The following PHLPP2 variants were observed in gnomAD, a reference collection of about 807,000 sequenced individuals.
PHLPP2 encodes the protein PH domain leucine-rich repeat-containing protein phosphatase 2.
PHLPP2 carries 66 observed loss-of-function variants against 124.9 expected under a neutral mutation model. The observed-to-expected ratio is 0.53, with a 90% CI of 0.43 to 0.65. PHLPP2 has a LOEUF of 0.65. PHLPP2 is among the 30% of genes least tolerant of loss of function. PHLPP2 has a pLI of 0.00. For missense variants in PHLPP2, 1,685 were observed against 1,600.4 expected, an observed-to-expected ratio of 1.05 and a Z score of -0.90; for synonymous variants, 681 against 624.7, an observed-to-expected ratio of 1.09 and a Z score of -1.34.
intron 3 of PHLPP2, 69 bp from the exon 4 acceptor site, chr16:71,690,778 A>G (rs2045103855): frequency 2.7e-6 from 3 of 1,093,148 alleles, no homozygotes; most frequent in African/African-American, 1.6e-5. Flanking sequence ...GGAAAAAGAA[A>G]GCATTGTGTG....
At chr16:71,710,854 G>A (rs919287196) in intron 2 of PHLPP2, among the ~76,000 whole-genome samples, 1 of 152,150 alleles carries the variant, frequency 6.6e-6, no homozygotes, top group Non-Finnish European at 1.5e-5. Context: ...GAAGCACAGA[G>A]CATTATATAT....
Position 71,649,670 on chromosome 16 carries a change from G to A in PHLPP2, c.3192C>T (p.Ala1064=), listed in dbSNP as rs2044681546. The A allele has an allele frequency of 1.2e-6, 2 of 1,614,000 alleles. No individual in the cohort carries two copies. Among genetic ancestry groups the A allele is most frequent in the Non-Finnish European group, 1.7e-6 (2 of 1,180,018 alleles). The change falls in exon 19 of 19, where the codon GCC becomes GCT. Residue 1064 remains alanine, a synonymous_variant. Coordinates refer to ENST00000568954, the MANE Select transcript of PHLPP2 (RefSeq NM_015020.3). ...TAGAGGATGGAGTGGCTGGCTTAGGGGCATCCTTGATAGTGGTGGTTGAAG... is the reference window on the plus strand; with the variant it reads ...TAGAGGATGGAGTGGCTGGCTTAGGAGCATCCTTGATAGTGGTGGTTGAAG... The part of the protein sequence containing the change: ...GFASTTTIKD[A]PKPATPSSSS...
At chr16:71,676,800 G>A in intron 8 of PHLPP2, 151 bp from the exon 9 acceptor site, 1 of 613,508 alleles carries the variant, frequency 1.6e-6, no homozygotes, top group South Asian at 2.0e-5. Flanking sequence ...GCAGGCTGGA[G>A]TGCAATGGCG....
At position 71,681,984 on chromosome 16, in the gene PHLPP2, C is replaced by T. The variant is rs957689247; in HGVS notation, c.736-79G>A. The stretch of plus-strand genomic sequence containing the variant: ...CCAGCAAAGAATGGAATGGCATTTA[C>T]ACAAAAAGACGCTAATTAAAAAGAT... On this transcript the variant is annotated intron_variant, in intron 5 of 18. Transcript: ENST00000568954. 1.6e-5 allele frequency: 15 copies of T among 966,200 alleles called. No individual in the cohort carries two copies. In the Admixed American group the frequency reaches 4.0e-4, roughly 26 times the overall value. The allele number at this position is 966,200 out of a possible 1,614,324, so 59.9% of individuals were successfully genotyped here. A position where few individuals can be genotyped will look rare whatever the true frequency, so the allele number is the denominator to read the frequency against.
chr16:71,663,689 T>G (rs143593529), intron 13 of PHLPP2, among the ~76,000 whole-genome samples: 2 of 152,342 alleles, frequency 1.3e-5, no homozygotes, highest in Non-Finnish European at 2.9e-5. Flanking sequence ...AACTAAAAAT[T>G]AAACATATTT....
chr16:71,700,614 C>T (rs1184225136), intron 3 of PHLPP2, among the ~76,000 whole-genome samples: 1 of 150,158 alleles, frequency 6.7e-6, no homozygotes, highest in East Asian at 2.0e-4. Flanking sequence ...CAAGCTCTAC[C>T]TCCCAGGTTG....
intron 17 of PHLPP2, 78 bp from the exon 18 acceptor site, chr16:71,653,099 C>CT (rs11298836): frequency 4.4e-3 from 2,424 of 546,190 alleles, no homozygotes; most frequent in Non-Finnish European, 5.6e-3. Flanking sequence ...TACATCCCTT[C>CT]TTTTTTTTTT....
rs1033779439 is a variant in PHLPP2, at chr16:71,646,372, T to A, written c.*2518A>T. 2 of 152,130 alleles carry A rather than the reference T, an allele frequency of 1.3e-5. No homozygotes were observed. The highest frequency in any genetic ancestry group is 4.8e-5 in the African/African-American group (2 of 41,440). The allele number at this position is 152,130 out of a possible 1,614,324, so 9.4% of individuals were successfully genotyped here. A position where few individuals can be genotyped will look rare whatever the true frequency, so the allele number is the denominator to read the frequency against. ...AAGATTTTCAATACAACCTAATGGT[T>A]CCTGAAAAAAAATTCTACCACACAG... On this transcript the variant is annotated 3_prime_UTR_variant, in exon 19 of 19. Transcript: ENST00000568954.
Position 71,690,691 on chromosome 16 carries a change from T to G in PHLPP2, c.437A>C (p.Asp146Ala). The change falls in exon 4 of 19, where the codon GAT (aspartate) becomes GCT (alanine). Residue 146 changes from aspartate to alanine, a missense_variant. Coordinates refer to ENST00000568954, the MANE Select transcript of PHLPP2 (RefSeq NM_015020.3). ...AGACAATAGGATTCGATCCAAACGA[T>G]CCATGTGGCATGGTTTTTCTGAAAA... ...RFYGEKPCHM[D>A]RLDRILLSGI... 1 of 1,611,806 alleles carries G rather than the reference T, an allele frequency of 6.2e-7. No homozygotes were observed.
intron 3 of PHLPP2, among the ~76,000 whole-genome samples, chr16:71,699,086 T>C (rs187794704): frequency 5.9e-5 from 9 of 152,298 alleles, no homozygotes; most frequent in African/African-American, 9.6e-5. Context: ...TCCGTAACAA[T>C]AGTTGTGTCT....
At chr16:71,710,419 A>C (rs2045316118) in intron 2 of PHLPP2, among the ~76,000 whole-genome samples, 1 of 152,220 alleles carries the variant, frequency 6.6e-6, no homozygotes, top group African/African-American at 2.4e-5. Flanking sequence ...ACTCAGAGAA[A>C]ACGTGGGGTA....
intron 5 of PHLPP2, among the ~76,000 whole-genome samples, chr16:71,684,187 G>A (rs1382691776): frequency 4.1e-5 from 6 of 147,660 alleles, no homozygotes; most frequent in Non-Finnish European, 5.9e-5. Flanking sequence ...GTGCAGTGGC[G>A]CGATGTCGGC....
At chr16:71,695,007 G>A (rs745924561) in intron 3 of PHLPP2, among the ~76,000 whole-genome samples, 8 of 151,936 alleles carry the variant, frequency 5.3e-5, no homozygotes, top group Non-Finnish European at 1.0e-4. Flanking sequence ...GGATGGTCTC[G>A]ATCTCCCGAC....
chr16:71,706,826 G>A (rs2045277532), intron 2 of PHLPP2, among the ~76,000 whole-genome samples: 1 of 151,136 alleles, frequency 6.6e-6, no homozygotes, highest in Non-Finnish European at 1.5e-5. Context: ...AAATTAAGCA[G>A]AAGAGAGCTC....
intron 4 of PHLPP2, among the ~76,000 whole-genome samples, chr16:71,684,892 G>T (rs375464719): frequency 1.3e-5 from 2 of 151,940 alleles, no homozygotes; most frequent in African/African-American, 2.4e-5. Context: ...AGTCCACTAT[G>T]TCCCCCTTAC....
At position 71,646,387 on chromosome 16, in the gene PHLPP2, C is replaced by A. The variant is rs893223944; in HGVS notation, c.*2503G>T. On this transcript the variant is annotated 3_prime_UTR_variant, in exon 19 of 19. Coordinates refer to ENST00000568954, the MANE Select transcript of PHLPP2 (RefSeq NM_015020.3). ...ACCTAATGGTTCCTGAAAAAAAATTCTACCACACAGAACAACATTTGGAAT... is the reference window on the plus strand; with the variant it reads ...ACCTAATGGTTCCTGAAAAAAAATTATACCACACAGAACAACATTTGGAAT... 1 of 152,138 alleles carries A rather than the reference C, an allele frequency of 6.6e-6. No individual in the cohort carries two copies. The highest frequency in any genetic ancestry group is 1.9e-4 in the East Asian group (1 of 5,200). The allele number at this position is 152,138 out of a possible 1,614,324, so 9.4% of individuals were successfully genotyped here.
chr16:71,693,173 G>C (rs978896601), intron 3 of PHLPP2, among the ~76,000 whole-genome samples: 4 of 152,162 alleles, frequency 2.6e-5, no homozygotes, highest in African/African-American at 9.7e-5. Flanking sequence ...TGTAATCCCA[G>C]CTACTCAGGA....
intron 10 of PHLPP2, among the ~76,000 whole-genome samples, chr16:71,671,714 A>C (rs1037128101): frequency 6.6e-6 from 1 of 152,058 alleles, no homozygotes. Flanking sequence ...GGAGATCCAG[A>C]CCATCCTGGC....
intron 1 of PHLPP2, among the ~76,000 whole-genome samples, chr16:71,719,025 G>A (rs1401058150): frequency 6.6e-6 from 1 of 152,116 alleles, no homozygotes; most frequent in Non-Finnish European, 1.5e-5. Context: ...TCAGTTAACT[G>A]CTGGAAAAAC....
Sources: allele counts gnomAD v4.1 joint callset (sites outside exome capture counted in the v4.1 genomes callset), GRCh38; gene constraint gnomAD v4.1.1; transcripts MANE v1.5; gene names NCBI Gene and HGNC (gene_info 2026-07-23, HGNC 2026-07-21).